Variants in FAF2 observed in about 807,000 individuals in gnomAD.
FAF2 encodes the protein Fas associated factor family member 2.
Under a neutral mutation model 62.3 loss-of-function variants are expected in FAF2, and 9 were observed. The observed-to-expected ratio is 0.14, with a 90% CI of 0.09 to 0.25. The LOEUF is 0.25. FAF2 is among the 10% of genes least tolerant of loss of function. FAF2 has a pLI of 1.00. For synonymous variants in FAF2, 202 were observed against 198.0 expected (o/e 1.02, Z -0.17); for missense variants, 368 against 556.2 (o/e 0.66, Z 3.40).
intron 5 of FAF2, among the ~76,000 whole-genome samples, chr5:176,492,708 G>A (rs12332175): frequency 0.099 from 15,013 of 151,964 alleles, 936 homozygotes; most frequent in African/African-American, 0.17. Context: ...ATTATGTCAC[G>A]CCCCACTTAC....
chr5:176,473,152 C>T (rs1758603558), intron 1 of FAF2, among the ~76,000 whole-genome samples: 2 of 152,146 alleles, frequency 1.3e-5, no homozygotes, highest in South Asian at 4.1e-4. Context: ...ACCTGATACT[C>T]TTTTTGTGTT....
intron 1 of FAF2, among the ~76,000 whole-genome samples, chr5:176,467,357 T>C (rs1413816387): frequency 6.6e-6 from 1 of 152,138 alleles, no homozygotes; most frequent in East Asian, 1.9e-4. Context: ...TTTGAGTCAG[T>C]GTCGCCCTTT....
At chr5:176,484,749 G>C (rs1410074307) in intron 2 of FAF2, among the ~76,000 whole-genome samples, 1 of 151,968 alleles carries the variant, frequency 6.6e-6, no homozygotes, top group Non-Finnish European at 1.5e-5. Context: ...AAATTAGCTG[G>C]GCACAGTGGC....
chr5:176,498,508 C>T (rs1433184727), intron 8 of FAF2, among the ~76,000 whole-genome samples: 1 of 152,124 alleles, frequency 6.6e-6, no homozygotes, highest in Admixed American at 6.6e-5. Flanking sequence ...TTCAGATCTG[C>T]TACAATGTGT....
intron 4 of FAF2, among the ~76,000 whole-genome samples, chr5:176,491,951 C>T (rs1758977142): frequency 6.6e-6 from 1 of 152,142 alleles, no homozygotes; most frequent in South Asian, 2.1e-4. Flanking sequence ...TTTATGTAGG[C>T]CAGTGTTGGA....
chr5:176,469,466 T>C (rs1410322510), intron 1 of FAF2, among the ~76,000 whole-genome samples: 2 of 152,206 alleles, frequency 1.3e-5, no homozygotes. Context: ...GCAATATTCT[T>C]TCTCTCTGAA....
At chr5:176,492,518 C>G (rs1020152820) in intron 5 of FAF2, among the ~76,000 whole-genome samples, 186 bp downstream of exon 5, 2 of 152,186 alleles carry the variant, frequency 1.3e-5, no homozygotes, top group Admixed American at 1.3e-4. Context: ...TCTAATGCTG[C>G]CCTTCTTTTG....
At chr5:176,485,061 G>A (rs1385067658) in intron 2 of FAF2, among the ~76,000 whole-genome samples, 1 of 152,210 alleles carries the variant, frequency 6.6e-6, no homozygotes, top group Non-Finnish European at 1.5e-5. Flanking sequence ...CACAGTGCAT[G>A]ATAAGTGCAT....
chr5:176,473,211 G>A (rs576548159), intron 1 of FAF2, among the ~76,000 whole-genome samples: 2 of 152,234 alleles, frequency 1.3e-5, no homozygotes, highest in Non-Finnish European at 2.9e-5. Context: ...TCACATCTTA[G>A]GTTCCTCTGG....
intron 4 of FAF2, among the ~76,000 whole-genome samples, chr5:176,489,694 C>T (rs968714598): frequency 6.6e-6 from 1 of 152,090 alleles, no homozygotes; most frequent in Non-Finnish European, 1.5e-5. Flanking sequence ...TGCGCCACCA[C>T]GCCTGGCTAA....
In FAF2 at chr5:176,451,892, A is replaced by ATTTT. The variant is rs1174600881; in HGVS notation, c.63+3448_63+3451dup. Reference sequence around the variant, plus strand: ...TATACACACATATATATATATATATATTTTTTTTTTTTTTTTTTTTTTTTT... The same window carrying ATTTT: ...TATACACACATATATATATATATATATTTTTTTTTTTTTTTTTTTTTTTTTTTTT... On this transcript the variant is annotated intron_variant, in intron 1 of 10. Coordinates refer to ENST00000261942, the MANE Select transcript of FAF2 (RefSeq NM_014613.3). Among the ~76,000 whole-genome samples, 10 of 21,678 alleles carry ATTTT rather than the reference A, an allele frequency of 4.6e-4. 1 individual carries two copies. The highest frequency in any genetic ancestry group is 6.3e-4 in the African/African-American group (3 of 4,774). The allele number at this position is 21,678 out of a possible 152,430, so 14.2% of individuals were successfully genotyped here. A position where few individuals can be genotyped will look rare whatever the true frequency, so the allele number is the denominator to read the frequency against.
rs372835598 is a variant in FAF2 at position 176,467,861 on chromosome 5, A to C, written c.64-11327A>C. 5.3e-5 allele frequency among the ~76,000 whole-genome samples: 8 copies of C among 152,320 alleles called. No individual in the cohort carries two copies. In the East Asian group the frequency reaches 9.6e-4, roughly 18 times the overall value. ...GGAATAAATGTGTAATAATGAGAAG[A>C]TCAGTGTTTAAGAAACTAGAAGGCT... On this transcript the variant is annotated intron_variant, in intron 1 of 10. Transcript: ENST00000261942.
intron 8 of FAF2, among the ~76,000 whole-genome samples, chr5:176,497,755 C>G (rs191308582): frequency 6.6e-6 from 1 of 152,218 alleles, no homozygotes; most frequent in East Asian, 1.9e-4. Context: ...TTTTAAGGCT[C>G]TTGATTTGTA....
chr5:176,480,381 G>A (rs1459450980), intron 2 of FAF2, among the ~76,000 whole-genome samples: 2 of 151,512 alleles, frequency 1.3e-5, no homozygotes, highest in Non-Finnish European at 2.9e-5. Context: ...CTAGGCTCTG[G>A]CATTATATTA....
intron 7 of FAF2, among the ~76,000 whole-genome samples, chr5:176,495,356 A>G (rs1300917582): frequency 1.3e-5 from 2 of 152,162 alleles, no homozygotes; most frequent in East Asian, 1.9e-4. Flanking sequence ...TTGCCATTCT[A>G]ATATGGCTTT....
intron 2 of FAF2, among the ~76,000 whole-genome samples, chr5:176,485,449 A>G (rs1194863305): frequency 3.3e-5 from 5 of 152,182 alleles, no homozygotes; most frequent in African/African-American, 1.2e-4. Flanking sequence ...TCTAGTAACA[A>G]AGACATGCTT....
intron 7 of FAF2, 87 bp from the exon 8 acceptor site, chr5:176,496,399 G>A: frequency 9.2e-7 from 1 of 1,083,144 alleles, no homozygotes; most frequent in Non-Finnish European, 1.3e-6. Context: ...GATTAAAACA[G>A]TTCTCTCTCA....
intron 1 of FAF2, among the ~76,000 whole-genome samples, chr5:176,474,358 A>G (rs1758623463): frequency 6.6e-6 from 1 of 152,202 alleles, no homozygotes; most frequent in Admixed American, 6.5e-5. Context: ...ATTCCCATGG[A>G]GAAAAACCTT....
intron 10 of FAF2, among the ~76,000 whole-genome samples, chr5:176,503,381 C>T (rs138910481): frequency 0.014 from 2,072 of 151,864 alleles, 46 homozygotes; most frequent in African/African-American, 0.047. Flanking sequence ...ATGGTGAAAC[C>T]CCATCTCTAC....
Sources: gnomAD v4.1 joint callset for allele counts (sites outside exome capture counted in the v4.1 genomes callset) on GRCh38, gnomAD v4.1.1 for gene constraint, MANE v1.5 for transcripts, NCBI Gene and HGNC (gene_info 2026-07-23, HGNC 2026-07-21) for gene names.